TMPRSS15: variants seen among roughly 807,000 people sequenced by gnomAD.
TMPRSS15 encodes enteropeptidase.
A neutral mutation model predicts 125.3 loss-of-function variants in TMPRSS15; 128 were observed. The ratio of observed to expected loss-of-function variants is 1.02; its 90% CI spans 0.89 to 1.18. The LOEUF is 1.18. TMPRSS15 is among the 50% of genes most tolerant of loss of function. TMPRSS15 has a pLI of 0.00. For missense variants in TMPRSS15, 1,283 were observed against 1,212.7 expected (o/e 1.06, Z -0.86); for synonymous variants, 446 against 423.2 (o/e 1.05, Z -0.66).
intron 18 of TMPRSS15, among the ~76,000 whole-genome samples, chr21:18,299,263 G>C (rs1173902244): frequency 6.6e-6 from 1 of 152,154 alleles, no homozygotes; most frequent in East Asian, 1.9e-4. Flanking sequence ...ATGTCAAAGG[G>C]TAGCTGAGAA....
intron 8 of TMPRSS15, 101 bp from the exon 9 acceptor site, chr21:18,353,964 T>C (rs1039378106): frequency 1.8e-5 from 20 of 1,115,240 alleles, no homozygotes; most frequent in Middle Eastern, 2.8e-4. Flanking sequence ...TGTCAGTTGA[T>C]CTATACAAAT....
Position 18,476,630 on chromosome 21 carries a change from A to G in TMPRSS15, c.10+9169T>C, listed in dbSNP as rs1054696358. On this transcript the variant is annotated intron_variant, in intron 1 of 7. Transcript: ENST00000422787. ...TCATATATCCATACATGTCATATAT[A>G]TCCATGTAGATAGATGGATTTCCAT... Among the ~76,000 whole-genome samples, 4 of 152,202 alleles carry G rather than the reference A, an allele frequency of 2.6e-5. No homozygotes were observed. In the South Asian group the frequency reaches 8.3e-4, roughly 31 times the overall value.
At chr21:18,321,137 G>A (rs1026874670) in intron 16 of TMPRSS15, among the ~76,000 whole-genome samples, 2 of 151,858 alleles carry the variant, frequency 1.3e-5, no homozygotes, top group African/African-American at 4.8e-5. Context: ...TCAGAAAAGA[G>A]GAATAAGGGG....
At chr21:18,469,774 T>A (rs1978739417) in intron 1 of TMPRSS15, among the ~76,000 whole-genome samples, 2 of 152,116 alleles carry the variant, frequency 1.3e-5, no homozygotes, top group African/African-American at 4.8e-5. Context: ...ATTCACCCTA[T>A]TTCTGTTGGC....
chr21:18,418,919 C>A (rs2076186013), intron 1 of TMPRSS15, among the ~76,000 whole-genome samples: 1 of 152,308 alleles, frequency 6.6e-6, no homozygotes, highest in South Asian at 2.1e-4. Flanking sequence ...AAAATGCTAT[C>A]ATACTGCTCT....
rs1250870897 is a variant in TMPRSS15, at chr21:18,332,189, A to G, written c.1565-16T>C. On this transcript the variant is annotated splice_polypyrimidine_tract_variant and intron_variant, in intron 13 of 24. Transcript: ENST00000284885. ...CCACAGTCCGCTGAAAAGGAAAGCAATGGGAAATCATCAGTAATACAATGT... is the reference window on the plus strand; with the variant it reads ...CCACAGTCCGCTGAAAAGGAAAGCAGTGGGAAATCATCAGTAATACAATGT... 1.4e-5 allele frequency: 22 copies of G among 1,596,504 alleles called. No individual in the cohort carries two copies. Among genetic ancestry groups the G allele is most frequent in the Non-Finnish European group, 1.0e-5 (12 of 1,163,904 alleles).
rs373646660 is a variant in TMPRSS15 at position 18,417,105 on chromosome 21, C to T, written c.11-18776G>A. Among the ~76,000 whole-genome samples, 12 of 152,170 alleles carry T rather than the reference C, an allele frequency of 7.9e-5. No individual in the cohort carries two copies. The East Asian group carries it at 2.3e-3, about 29-fold the overall frequency. On this transcript the variant is annotated intron_variant, in intron 1 of 7. Coordinates refer to the TMPRSS15 transcript ENST00000422787. ...AAAAATCATGTCAATTGTAACATTT[C>T]AGCCAATTTTTACATAAAAGGCCTT... is the stretch of plus-strand genomic sequence containing the variant.
At chr21:18,444,306 A>T (rs1431356819) in intron 1 of TMPRSS15, among the ~76,000 whole-genome samples, 1 of 152,216 alleles carries the variant, frequency 6.6e-6, no homozygotes, top group Non-Finnish European at 1.5e-5. Flanking sequence ...CATAACCATA[A>T]AAAAGGATTA....
rs1978449647 is a variant in TMPRSS15, at chr21:18,456,784, C to T, written c.10+29015G>A. 2.6e-5 allele frequency among the ~76,000 whole-genome samples: 4 copies of T among 152,028 alleles called. No homozygotes were observed. The South Asian group carries it at 6.2e-4, about 24-fold the overall frequency. ...TGGAATAAATGTATTATCCTTGATACATATGTTCAAACTCAATAAAGATTT... is the reference window on the plus strand; with the variant it reads ...TGGAATAAATGTATTATCCTTGATATATATGTTCAAACTCAATAAAGATTT... On this transcript the variant is annotated intron_variant, in intron 1 of 7. Coordinates refer to the TMPRSS15 transcript ENST00000422787.
chr21:18,294,881 C>G (rs1390040598), intron 19 of TMPRSS15, among the ~76,000 whole-genome samples: 1 of 152,114 alleles, frequency 6.6e-6, no homozygotes, highest in South Asian at 2.1e-4. Context: ...GGAAGTTACT[C>G]AATATCCCTG....
chr21:18,464,878 G>A (rs1051820971), intron 1 of TMPRSS15, among the ~76,000 whole-genome samples: 8 of 152,062 alleles, frequency 5.3e-5, no homozygotes, highest in Admixed American at 1.3e-4. Context: ...ACAAACAATA[G>A]AAAAAGAGGC....
rs34173013 is a variant in TMPRSS15 at position 18,410,598 on chromosome 21, G to GA, written c.11-12270dup. Among the ~76,000 whole-genome samples the GA allele has an allele frequency of 4.6e-3, 676 of 145,684 alleles. 9 individuals are homozygous for GA. The highest frequency in any genetic ancestry group is 0.015 in the African/African-American group (600 of 39,308). ...GGGGAGAGTTTGTAGATGAATAATAGAAAAAAAAAAAGAGCCATGTTGAAT... is the reference window on the plus strand; with the variant it reads ...GGGGAGAGTTTGTAGATGAATAATAGAAAAAAAAAAAAGAGCCATGTTGAAT... On this transcript the variant is annotated intron_variant, in intron 1 of 7. Coordinates refer to the TMPRSS15 transcript ENST00000422787.
chr21:18,396,257 C>T lies in TMPRSS15; in HGVS notation c.344+1622G>A, dbSNP rs80068197. The stretch of plus-strand genomic sequence containing the variant: ...TATGGTGAAAAGCAAACCCACCCTC[C>T]CTAGAAGTTGTTATATTCTGTGGGC... On this transcript the variant is annotated intron_variant, in intron 3 of 24. Coordinates refer to ENST00000284885, the MANE Select transcript of TMPRSS15 (RefSeq NM_002772.3). Among the ~76,000 whole-genome samples the T allele has an allele frequency of 2.4e-3, 366 of 152,248 alleles. 2 individuals are homozygous for T. Among genetic ancestry groups the T allele is most frequent in the Middle Eastern group, 0.01 (3 of 294 alleles).
chr21:18,472,124 G>A (rs1978790875), intron 1 of TMPRSS15, among the ~76,000 whole-genome samples: 1 of 151,974 alleles, frequency 6.6e-6, no homozygotes, highest in Non-Finnish European at 1.5e-5. Context: ...AAGATGGAAA[G>A]TTTAGGTTAT....
intron 1 of TMPRSS15, among the ~76,000 whole-genome samples, chr21:18,399,768 AAGTCT>A (rs1178695190): frequency 6.6e-6 from 1 of 152,114 alleles, no homozygotes; most frequent in Non-Finnish European, 1.5e-5. Flanking sequence ...AACTTTTAAT[AAGTCT>A]AAAGTGAAGT....
intron 1 of TMPRSS15, among the ~76,000 whole-genome samples, chr21:18,454,025 A>C (rs923162355): frequency 6.6e-6 from 1 of 152,136 alleles, no homozygotes; most frequent in African/African-American, 2.4e-5. Context: ...TTTTACTTTG[A>C]TTTATTGAGA....
chr21:18,378,754 C>T (rs189283426), intron 5 of TMPRSS15, among the ~76,000 whole-genome samples: 86 of 152,040 alleles, frequency 5.7e-4, no homozygotes, highest in Admixed American at 9.2e-4. Context: ...GCACAGCAGA[C>T]AATTCCTAGA....
chr21:18,335,346 A>C (rs1377981441), intron 13 of TMPRSS15, among the ~76,000 whole-genome samples: 2 of 152,198 alleles, frequency 1.3e-5, no homozygotes, highest in African/African-American at 4.8e-5. Context: ...TAACAGGAAA[A>C]ATGTAAAACC....
intron 15 of TMPRSS15, among the ~76,000 whole-genome samples, chr21:18,327,550 A>C (rs956485422): frequency 2.6e-5 from 4 of 152,124 alleles, no homozygotes; most frequent in African/African-American, 9.7e-5. Context: ...TTGACTGATG[A>C]AAAGGTTGGG....
Sources: allele counts gnomAD v4.1 joint callset (sites outside exome capture counted in the v4.1 genomes callset), GRCh38; gene constraint gnomAD v4.1.1; transcripts MANE v1.5; gene names NCBI Gene and HGNC (gene_info 2026-07-23, HGNC 2026-07-21).